Variants in PCDHA7 observed in about 807,000 individuals in gnomAD.
The protein encoded by PCDHA7 is protocadherin alpha 7.
In PCDHA7, 37 loss-of-function variants were observed where a neutral mutation model predicts 57.2. The observed-to-expected ratio is 0.65, with a 90% CI of 0.50 to 0.85. The LOEUF is 0.85. Ranked by LOEUF, PCDHA7 falls within the 40% of genes least tolerant of loss-of-function variation. PCDHA7 has a pLI of 0.00. For missense variants in PCDHA7, 1,188 were observed against 1,241.8 expected (o/e 0.96, Z 0.65); for synonymous variants, 553 against 558.8 (o/e 0.99, Z 0.15).
At chr5:140,963,128 T>A (rs1283011021) in intron 1 of PCDHA7, among the ~76,000 whole-genome samples, 1 of 152,144 alleles carries the variant, frequency 6.6e-6, no homozygotes, top group African/African-American at 2.4e-5. Context: ...AGAGATAATA[T>A]TAAATTATTT....
intron 1 of PCDHA7, among the ~76,000 whole-genome samples, chr5:140,960,713 A>C (rs1272219565): frequency 6.6e-6 from 1 of 150,862 alleles, no homozygotes; most frequent in Non-Finnish European, 1.5e-5. Context: ...CCAAATACTC[A>C]TCTTATTTTA....
intron 1 of PCDHA7, chr5:140,859,996 T>A (rs181986889): frequency 4.7e-4 from 71 of 152,116 alleles, no homozygotes; most frequent in Non-Finnish European, 8.7e-4. Context: ...TCTCCATCAA[T>A]ACTAACTTAA....
rs1464673358 is a variant in PCDHA7 at position 140,894,228 on chromosome 5, A to T, written c.2355+57490A>T. 2.6e-5 allele frequency among the ~76,000 whole-genome samples: 4 copies of T among 152,088 alleles called. No homozygotes were observed. In the South Asian group the frequency reaches 8.3e-4, roughly 31 times the overall value. ...TTATATTCTCATTTTAAAGATGTTG[A>T]ATGACAATGTAATTTTCTTTTCTTT... is the stretch of plus-strand genomic sequence containing the variant. On this transcript the variant is annotated intron_variant, in intron 1 of 3. Transcript: ENST00000525929.
intron 3 of PCDHA7, among the ~76,000 whole-genome samples, chr5:140,999,049 A>C (rs962383659): frequency 1.3e-5 from 2 of 152,214 alleles, no homozygotes; most frequent in African/African-American, 4.8e-5. Flanking sequence ...TGTGCTTTCC[A>C]CCATGCCTAA....
intron 1 of PCDHA7, among the ~76,000 whole-genome samples, chr5:140,892,451 C>A (rs782296222): frequency 1.2e-4 from 19 of 152,128 alleles, no homozygotes; most frequent in Non-Finnish European, 2.5e-4. Flanking sequence ...TACATGTATT[C>A]TTTAAGTACG....
intron 1 of PCDHA7, among the ~76,000 whole-genome samples, chr5:140,948,814 A>G (rs1284322137): frequency 1.3e-5 from 2 of 151,134 alleles, no homozygotes; most frequent in African/African-American, 4.8e-5. Context: ...TTTGGTTTCT[A>G]TTTCATTAAT....
chr5:140,935,566 T>A (rs2090441028), intron 1 of PCDHA7, among the ~76,000 whole-genome samples: 1 of 152,246 alleles, frequency 6.6e-6, no homozygotes, highest in Non-Finnish European at 1.5e-5. Context: ...AAAGTTCCTC[T>A]CTGTGTAGTT....
intron 1 of PCDHA7, chr5:140,870,222 G>A: frequency 6.2e-7 from 1 of 1,614,180 alleles, no homozygotes; most frequent in African/African-American, 1.3e-5. Flanking sequence ...TGATCAGCGT[G>A]TCTGACCGTG....
chr5:140,841,573 G>C, intron 1 of PCDHA7: 1 of 1,614,016 alleles, frequency 6.2e-7, no homozygotes. Flanking sequence ...ATGGCATTTT[G>C]TTTGTGAATT....
chr5:140,975,612 C>T (rs1554236918), intron 1 of PCDHA7, among the ~76,000 whole-genome samples: 1 of 152,194 alleles, frequency 6.6e-6, no homozygotes, highest in Non-Finnish European at 1.5e-5. Flanking sequence ...ATGTCTTCCA[C>T]ATGGATTTCC....
rs2150242992 is a variant in PCDHA7, at chr5:140,835,718, G to T, written c.1335G>T (p.Val445=). The part of the protein sequence containing the change: ...LWATASVSVE[V]ADVNDNAPAF... ...CCACTGCTAGCGTGTCCGTGGAGGTGGCCGACGTGAACGACAACGCCCCGG... is the reference window on the plus strand; with the variant it reads ...CCACTGCTAGCGTGTCCGTGGAGGTTGCCGACGTGAACGACAACGCCCCGG... The change falls in exon 1 of 4, where the codon GTG becomes GTT. Residue 445 remains valine, a synonymous_variant. Coordinates refer to ENST00000525929, the MANE Select transcript of PCDHA7 (RefSeq NM_018910.3). 3 of 1,613,908 alleles carry T rather than the reference G, an allele frequency of 1.9e-6. No individual in the cohort carries two copies. The highest frequency in any genetic ancestry group is 1.1e-5 in the South Asian group (1 of 91,082).
intron 1 of PCDHA7, chr5:140,884,640 A>G: frequency 6.2e-7 from 1 of 1,610,250 alleles, no homozygotes; most frequent in East Asian, 2.2e-5. Context: ...CAGAGGGAGG[A>G]GGACTCAGAA....
chr5:140,957,328 G>A (rs1312649094), intron 1 of PCDHA7, among the ~76,000 whole-genome samples: 1 of 152,134 alleles, frequency 6.6e-6, no homozygotes, highest in Admixed American at 6.5e-5. Context: ...GCACAGTACA[G>A]TAAGATATTT....
intron 1 of PCDHA7, among the ~76,000 whole-genome samples, chr5:140,879,542 GA>G (rs1281717017): frequency 6.6e-6 from 1 of 152,104 alleles, no homozygotes; most frequent in African/African-American, 2.4e-5. Context: ...CTCCTTTAGA[GA>G]AAAAAATAAT....
At chr5:140,992,820 TG>T (rs1554253214) in intron 3 of PCDHA7, among the ~76,000 whole-genome samples, 1 of 152,164 alleles carries the variant, frequency 6.6e-6, no homozygotes, top group Non-Finnish European at 1.5e-5. Flanking sequence ...AGGATGTGTT[TG>T]TTTTTTGGGA....
chr5:140,994,142 G>C (rs550428204), intron 3 of PCDHA7, among the ~76,000 whole-genome samples: 8 of 152,180 alleles, frequency 5.3e-5, no homozygotes, highest in Admixed American at 4.6e-4. Context: ...AATGCCCTAC[G>C]TAGGTAGGGT....
chr5:140,883,003 C>T, intron 1 of PCDHA7: 1 of 1,614,050 alleles, frequency 6.2e-7, no homozygotes, highest in East Asian at 2.2e-5. Flanking sequence ...TTTACCAATC[C>T]GTTTATAAAG....
chr5:140,918,494 G>A (rs1252984580), intron 1 of PCDHA7, among the ~76,000 whole-genome samples: 2 of 152,098 alleles, frequency 1.3e-5, no homozygotes, highest in Non-Finnish European at 2.9e-5. Context: ...GCTTTGGATG[G>A]TACCAATCCT....
chr5:141,008,199 T>G (rs966441661), intron 3 of PCDHA7, among the ~76,000 whole-genome samples: 3 of 152,338 alleles, frequency 2.0e-5, no homozygotes, highest in Admixed American at 2.0e-4. Flanking sequence ...AGTAATATAA[T>G]GAACTTGACA....
Sources: allele counts gnomAD v4.1 joint callset (sites outside exome capture counted in the v4.1 genomes callset), GRCh38; gene constraint gnomAD v4.1.1; transcripts MANE v1.5; gene names NCBI Gene and HGNC (gene_info 2026-07-23, HGNC 2026-07-21).